The following MDGA2 variants were observed in gnomAD, a reference collection of about 807,000 sequenced individuals.
MDGA2 encodes the protein MAM domain-containing glycosylphosphatidylinositol anchor protein 2.
MDGA2 carries 40 observed loss-of-function variants against 117.8 expected under a neutral mutation model. That is an observed-to-expected ratio of 0.34 (90% CI 0.26 to 0.44). The LOEUF is 0.44. Among genes scored for constraint, MDGA2 ranks in the 20% least tolerant of loss-of-function variants. The probability of loss-of-function intolerance (pLI) is 1.00; values close to 1 mark genes in which losing one functional copy is unlikely to be tolerated. For missense variants in MDGA2, 1,123 were observed against 1,250.6 expected (o/e 0.90, Z 1.54); for synonymous variants, 452 against 439.0 (o/e 1.03, Z -0.37).
chr14:47,508,969 C>T (rs527446726), intron 1 of MDGA2, among the ~76,000 whole-genome samples: 2 of 152,236 alleles, frequency 1.3e-5, no homozygotes, highest in Non-Finnish European at 2.9e-5. Context: ...GGATTACAGG[C>T]GTGAGCTACT....
At chr14:47,020,232 TA>T (rs1210942724) in intron 8 of MDGA2, among the ~76,000 whole-genome samples, 4 of 152,144 alleles carry the variant, frequency 2.6e-5, no homozygotes, top group Admixed American at 6.5e-5. Flanking sequence ...CTAATTAAAA[TA>T]AAAAATATGA....
chr14:47,661,792 C>T (rs1287840421), intron 1 of MDGA2, among the ~76,000 whole-genome samples: 1 of 117,266 alleles, frequency 8.5e-6, no homozygotes, highest in East Asian at 3.1e-4. Flanking sequence ...GCTCTTGTTG[C>T]CCAGGATGGA....
intron 1 of MDGA2, among the ~76,000 whole-genome samples, chr14:47,485,616 C>G (rs1594881693): frequency 2.0e-5 from 3 of 152,174 alleles, no homozygotes; most frequent in Admixed American, 1.3e-4. Flanking sequence ...AGCAGCCCCT[C>G]CCATCACAGG....
chr14:47,095,937 A>G (rs1879940625), intron 6 of MDGA2, among the ~76,000 whole-genome samples: 1 of 151,996 alleles, frequency 6.6e-6, no homozygotes, highest in Admixed American at 6.6e-5. Flanking sequence ...TTAACTTCAG[A>G]GGCCTCAGTG....
chr14:47,493,011 T>C (rs976113237), intron 1 of MDGA2, among the ~76,000 whole-genome samples: 1 of 152,058 alleles, frequency 6.6e-6, no homozygotes, highest in African/African-American at 2.4e-5. Context: ...ATTGTTGATA[T>C]TCTTGAAGAA....
At chr14:47,480,054 C>T (rs141247655) in intron 1 of MDGA2, among the ~76,000 whole-genome samples, 1 of 147,126 alleles carries the variant, frequency 6.8e-6, no homozygotes, top group South Asian at 2.1e-4. Flanking sequence ...GCACAAATAT[C>T]ATAAATAATG....
At chr14:47,192,775 AG>A (rs1358501491) in intron 3 of MDGA2, among the ~76,000 whole-genome samples, 1 of 152,242 alleles carries the variant, frequency 6.6e-6, no homozygotes, top group Admixed American at 6.5e-5. Flanking sequence ...GAATGTGTTC[AG>A]TCATTCTCAG....
intron 1 of MDGA2, among the ~76,000 whole-genome samples, chr14:47,646,640 A>C (rs577068612): frequency 1.4e-4 from 21 of 152,366 alleles, no homozygotes; most frequent in African/African-American, 4.3e-4. Flanking sequence ...CTGAGAATGC[A>C]TATGAAATAC....
rs957683224 is a variant in MDGA2, at chr14:47,478,464, C to T, written c.281-176914G>A. Among the ~76,000 whole-genome samples the T allele has an allele frequency of 4.6e-5, 7 of 152,290 alleles. No homozygotes were observed. In the East Asian group the frequency reaches 1.2e-3, roughly 25 times the overall value. The stretch of plus-strand genomic sequence containing the variant: ...CTATCACAGGTCACCGCAGCCTTCA[C>T]CTCCTGGCTCAAGTGATCCTCCCAC... On this transcript the variant is annotated intron_variant, in intron 1 of 16. Coordinates refer to ENST00000399232, the MANE Select transcript of MDGA2 (RefSeq NM_001113498.3).
intron 2 of MDGA2, among the ~76,000 whole-genome samples, chr14:47,220,195 G>A (rs1886247751): frequency 6.6e-6 from 1 of 152,064 alleles, no homozygotes; most frequent in African/African-American, 2.4e-5. Flanking sequence ...TTTACACATT[G>A]GAAGAGTTTA....
chr14:47,292,380 AGTATGTTGGTCCCAATTAT>A (rs1220287966), intron 2 of MDGA2, among the ~76,000 whole-genome samples: 1 of 152,080 alleles, frequency 6.6e-6, no homozygotes, highest in Non-Finnish European at 1.5e-5. Flanking sequence ...CTTGTTGCTA[AGTATGTTGGTCCCAATTAT>A]GTACTTGGGA....
At chr14:47,654,292 G>A (rs936340784) in intron 1 of MDGA2, among the ~76,000 whole-genome samples, 7 of 152,060 alleles carry the variant, frequency 4.6e-5, no homozygotes, top group Admixed American at 2.6e-4. Context: ...CAATAATCTC[G>A]ATCATCAGGT....
intron 3 of MDGA2, among the ~76,000 whole-genome samples, chr14:47,177,544 T>C (rs1353567370): frequency 6.6e-6 from 1 of 152,048 alleles, no homozygotes; most frequent in East Asian, 1.9e-4. Flanking sequence ...AGTAAACTAT[T>C]GCAAGGACAA....
chr14:47,128,851 T>C (rs1321215554), intron 5 of MDGA2, among the ~76,000 whole-genome samples: 2 of 151,844 alleles, frequency 1.3e-5, no homozygotes, highest in African/African-American at 4.8e-5. Context: ...CCTGCCACCA[T>C]GCCCGGCTAA....
intron 1 of MDGA2, among the ~76,000 whole-genome samples, chr14:47,451,574 T>C (rs1893241555): frequency 6.6e-6 from 1 of 152,120 alleles, no homozygotes. Context: ...TGTGACAGTC[T>C]ACCAAGATGA....
chr14:46,858,838 T>C (rs1358237688), intron 14 of MDGA2, among the ~76,000 whole-genome samples: 1 of 152,210 alleles, frequency 6.6e-6, no homozygotes, highest in Non-Finnish European at 1.5e-5. Context: ...TATATTCTAT[T>C]TATTTGGATA....
intron 6 of MDGA2, among the ~76,000 whole-genome samples, chr14:47,081,636 G>A (rs1417578833): frequency 1.3e-5 from 2 of 152,106 alleles, no homozygotes; most frequent in Admixed American, 6.5e-5. Context: ...TAAAATTGCT[G>A]TATTACATAC....
intron 1 of MDGA2, among the ~76,000 whole-genome samples, chr14:47,567,939 T>C (rs916085900): frequency 6.6e-6 from 1 of 152,034 alleles, no homozygotes; most frequent in Admixed American, 6.6e-5. Context: ...GGATATGTTT[T>C]TGGACGTTCT....
intron 2 of MDGA2, among the ~76,000 whole-genome samples, chr14:47,295,864 A>G (rs1024693979): frequency 6.6e-6 from 1 of 152,198 alleles, no homozygotes; most frequent in East Asian, 1.9e-4. Flanking sequence ...AGATTGTGCC[A>G]CTTGCACTCA....
Sources: allele counts gnomAD v4.1 joint callset (sites outside exome capture counted in the v4.1 genomes callset), GRCh38; gene constraint gnomAD v4.1.1; transcripts MANE v1.5; gene names NCBI Gene and HGNC (gene_info 2026-07-23, HGNC 2026-07-21).